TUBGCP5: variants seen among roughly 807,000 people sequenced by gnomAD.
TUBGCP5 encodes gamma-tubulin complex component 5.
A neutral mutation model predicts 134.7 loss-of-function variants in TUBGCP5; 98 were observed. That is an observed-to-expected ratio of 0.73 (90% CI 0.62 to 0.86). The LOEUF is 0.86. Ranked by LOEUF, TUBGCP5 falls within the 40% of genes least tolerant of loss-of-function variation. The probability of loss-of-function intolerance (pLI) is 0.00; values close to 1 mark genes in which losing one functional copy is unlikely to be tolerated. For missense variants in TUBGCP5, 1,150 were observed against 1,244.8 expected (o/e 0.92, Z 1.15); for synonymous variants, 456 against 431.4 (o/e 1.06, Z -0.71).
Position 23,039,265 on chromosome 15 carries a change from C to T in TUBGCP5, c.146+133G>A, listed in dbSNP as rs1019188332. ...GGGGAGCAGGCGGTGGCAGGGCCTGCGAAGGCTCCCTGAGGCCGCGCCCGC... is the reference window on the plus strand; with the variant it reads ...GGGGAGCAGGCGGTGGCAGGGCCTGTGAAGGCTCCCTGAGGCCGCGCCCGC... On this transcript the variant is annotated intron_variant, in intron 1 of 22. Transcript: ENST00000615383. 4 of 1,061,300 alleles carry T rather than the reference C, an allele frequency of 3.8e-6. No homozygotes were observed. The African/African-American group carries it at 6.7e-5, about 18-fold the overall frequency. The allele number at this position is 1,061,300 out of a possible 1,614,324, so 65.7% of individuals were successfully genotyped here.
intron 23 of TUBGCP5, among the ~76,000 whole-genome samples, chr15:22,988,735 CAA>C (rs71117462): frequency 7.3e-6 from 1 of 137,824 alleles, no homozygotes; most frequent in Non-Finnish European, 1.5e-5. Context: ...GACTCCGTCT[CAA>C]AAAAAAAAAA....
chr15:22,988,941 T>G (rs941003987), intron 23 of TUBGCP5, among the ~76,000 whole-genome samples: 2 of 151,776 alleles, frequency 1.3e-5, no homozygotes. Flanking sequence ...TCCATATTGG[T>G]GTAGAGGCCA....
At chr15:23,004,504 G>T in intron 19 of TUBGCP5, 1 of 393,964 alleles carries the variant, frequency 2.5e-6, no homozygotes, top group Non-Finnish European at 4.5e-6. Context: ...TGGCAGGAAG[G>T]GGCAAGCACA....
intron 10 of TUBGCP5, 156 bp downstream of exon 10, chr15:23,023,791 G>T (rs532895953): frequency 7.3e-6 from 5 of 686,256 alleles, no homozygotes; most frequent in Non-Finnish European, 8.8e-6. Context: ...GATATGAATG[G>T]CTTAAAAATA....
intron 8 of TUBGCP5, 79 bp from the exon 9 acceptor site, chr15:23,024,909 T>G (rs1288054099): frequency 3.3e-6 from 3 of 896,614 alleles, no homozygotes; most frequent in Non-Finnish European, 5.3e-6. Flanking sequence ...GACATTTTTT[T>G]TTTTTTTTGA....
rs1422331900 is a variant in TUBGCP5, at chr15:23,031,939, C to A, written c.486+11G>T. On this transcript the variant is annotated intron_variant, in intron 5 of 22. Transcript: ENST00000615383. ...ATTTCAATTTTCAATAGCAAAACTA[C>A]TACCACTTACTGGTGTGTCCATGTA... 6.3e-7 allele frequency: 1 copy of A among 1,592,958 alleles called. No individual in the cohort carries two copies.
At chr15:23,008,611 A>G in intron 16 of TUBGCP5, 88 bp downstream of exon 16, 1 of 1,424,140 alleles carries the variant, frequency 7.0e-7, no homozygotes, top group South Asian at 1.2e-5. Context: ...AATAGTGAGG[A>G]TAAAATAATA....
In TUBGCP5 at chr15:23,013,494, A is replaced by G. The variant is rs1375190212; in HGVS notation, c.1757-2163T>C. Among the ~76,000 whole-genome samples the G allele has an allele frequency of 6.6e-6, 1 of 151,802 alleles. No homozygotes were observed. Among genetic ancestry groups the G allele is most frequent in the Non-Finnish European group, 1.5e-5 (1 of 67,948 alleles). Reference sequence around the variant, plus strand: ...TTGAAGGGCGAGTGCTGGAGTGCAGAGGGGGAATGTGACACAGTGTTGGTG... The same window carrying G: ...TTGAAGGGCGAGTGCTGGAGTGCAGGGGGGGAATGTGACACAGTGTTGGTG... On this transcript the variant is annotated intron_variant, in intron 13 of 22. Coordinates refer to ENST00000615383, the MANE Select transcript of TUBGCP5 (RefSeq NM_052903.6). The surrounding 1 kb of genome is among the most constrained non-coding windows in gnomAD (Gnocchi z 4.5).
intron 23 of TUBGCP5, among the ~76,000 whole-genome samples, chr15:22,988,670 A>C (rs2063757064): frequency 6.7e-6 from 1 of 149,470 alleles, no homozygotes; most frequent in South Asian, 2.1e-4. Flanking sequence ...TAGGAGGCAG[A>C]GCTTGCAGTG....
chr15:22,998,263 C>T (rs113176195), downstream of TUBGCP5, among the ~76,000 whole-genome samples: 26 of 152,152 alleles, frequency 1.7e-4, 1 homozygote, highest in African/African-American at 4.1e-4. Context: ...TGTAGTGAGC[C>T]GAGATCGTGC....
Position 23,013,968 on chromosome 15 carries a change from C to A in TUBGCP5, c.1757-2637G>T, listed in dbSNP as rs1160173198. Among the ~76,000 whole-genome samples, 3 of 152,180 alleles carry A rather than the reference C, an allele frequency of 2.0e-5. No individual in the cohort carries two copies. The highest frequency in any genetic ancestry group is 4.4e-5 in the Non-Finnish European group (3 of 68,014). ...CAACCCCAGCTATGTGGAGCCTGGG[C>A]CCAGGATCGACTGGTGATTCTGGTC... On this transcript the variant is annotated intron_variant, in intron 13 of 22. Coordinates refer to ENST00000615383, the MANE Select transcript of TUBGCP5 (RefSeq NM_052903.6). The surrounding 1 kb of genome is among the most constrained non-coding windows in gnomAD (Gnocchi z 4.5).
chr15:23,016,066 G>T (rs568537753), intron 13 of TUBGCP5, among the ~76,000 whole-genome samples: 1 of 151,984 alleles, frequency 6.6e-6, no homozygotes, highest in African/African-American at 2.4e-5. Context: ...AAGGAAACTC[G>T]GTGAGATACA....
chr15:22,988,212 G>A (rs928749079), intron 23 of TUBGCP5, among the ~76,000 whole-genome samples: 23 of 151,880 alleles, frequency 1.5e-4, no homozygotes, highest in Non-Finnish European at 2.8e-4. Context: ...ATCTGAAGGG[G>A]CCCTAAATCC....
chr15:23,019,278 C>A lies in TUBGCP5; in HGVS notation c.1428G>T (p.Val476=). The change falls in exon 12 of 23, where the codon GTG becomes GTT. Residue 476 remains valine (V), a synonymous_variant. Coordinates refer to ENST00000615383, the MANE Select transcript of TUBGCP5 (RefSeq NM_052903.6). ...VETVRPYLQT[V]DEWIVHGHLW... ...GGTGCCCGTGCACGATCCACTCGTC[C>A]ACCGTCTGCAGGTAAGGCCGCACCG... 3 of 1,614,096 alleles carry A rather than the reference C, an allele frequency of 1.9e-6. No individual in the cohort carries two copies. Among genetic ancestry groups the A allele is most frequent in the Non-Finnish European group, 2.5e-6 (3 of 1,179,994 alleles).
intron 23 of TUBGCP5, among the ~76,000 whole-genome samples, chr15:22,990,149 G>A (rs546254802): frequency 1.3e-5 from 2 of 152,172 alleles, no homozygotes; most frequent in East Asian, 3.9e-4. Context: ...TGGCTTCTAG[G>A]GACATCCCGA....
intron 23 of TUBGCP5, among the ~76,000 whole-genome samples, chr15:22,986,792 G>A (rs2063694988): frequency 6.6e-6 from 1 of 152,042 alleles, no homozygotes; most frequent in Non-Finnish European, 1.5e-5. Context: ...GTTTGCTTGG[G>A]TGAGGTGGTC....
downstream of TUBGCP5, among the ~76,000 whole-genome samples, chr15:22,995,352 C>T (rs2064019829): frequency 6.6e-6 from 1 of 151,886 alleles, no homozygotes; most frequent in African/African-American, 2.4e-5. Flanking sequence ...ACAGAAGTGA[C>T]CCCTGGATTC....
chr15:23,019,021 CAA>C (rs1162499256), intron 12 of TUBGCP5, among the ~76,000 whole-genome samples, 196 bp downstream of exon 12: 2 of 152,118 alleles, frequency 1.3e-5, no homozygotes, highest in Non-Finnish European at 2.9e-5. Flanking sequence ...AAAACTTGGA[CAA>C]AGATATTTCT....
intron 18 of TUBGCP5, 30 bp downstream of exon 18, chr15:23,006,022 T>G (rs760558931): frequency 3.8e-6 from 6 of 1,570,414 alleles, no homozygotes; most frequent in Non-Finnish European, 5.1e-6. Flanking sequence ...TAAATAAAAT[T>G]ACAATTTATC....
Sources: allele counts gnomAD v4.1 joint callset (sites outside exome capture counted in the v4.1 genomes callset), GRCh38; gene constraint gnomAD v4.1.1; non-coding constraint Gnocchi (gnomAD v3.1); transcripts MANE v1.5; gene names NCBI Gene and HGNC (gene_info 2026-07-23, HGNC 2026-07-21).